The following STAT4 variants were observed in gnomAD, a reference collection of about 807,000 sequenced individuals.
The protein encoded by STAT4 is signal transducer and activator of transcription 4.
STAT4 carries 42 observed loss-of-function variants against 110.5 expected under a neutral mutation model. The observed-to-expected ratio is 0.38, with a 90% CI of 0.30 to 0.49. The LOEUF is 0.49. STAT4 is among the 20% of genes least tolerant of loss of function. The pLI is 0.95. For synonymous variants in STAT4, 284 were observed against 302.2 expected (o/e 0.94, Z 0.63); for missense variants, 632 against 887.9 (o/e 0.71, Z 3.66).
chr2:191,135,660 G>T lies in STAT4; in HGVS notation c.273+10953C>A, dbSNP rs1461517558. ...TTTTTGTATTTTTAGTAGAGACAGG[G>T]TTTCACCATGTTGGCTGCACTGGTC... is the stretch of plus-strand genomic sequence containing the variant. On this transcript the variant is annotated intron_variant, in intron 3 of 23. Coordinates refer to ENST00000392320, the MANE Select transcript of STAT4 (RefSeq NM_003151.4). This position sits in a 1 kb window ranked among gnomAD's most constrained non-coding sequence, Gnocchi z 4.8. Among the ~76,000 whole-genome samples, 2 of 152,050 alleles carry T rather than the reference G, an allele frequency of 1.3e-5. No individual in the cohort carries two copies. The highest frequency in any genetic ancestry group is 2.9e-5 in the Non-Finnish European group (2 of 68,018).
At chr2:191,106,702 A>AAAAT (rs1285255213) in intron 3 of STAT4, among the ~76,000 whole-genome samples, 24 of 100,086 alleles carry the variant, frequency 2.4e-4, no homozygotes, top group African/African-American at 6.9e-4. Context: ...TAAAATAAAA[A>AAAAT]AATGTACTCA....
rs3024865 is a variant in STAT4, at chr2:191,058,817, G to C, written c.1035-48C>G. On this transcript the variant is annotated intron_variant, in intron 10 of 23. Transcript: ENST00000392320. This position sits in a 1 kb window ranked among gnomAD's most constrained non-coding sequence, Gnocchi z 4.3. ...AAAATCAAAGATAAAAATTAAAAGT[G>C]TTTAAAAACCCTTTTTTATATTTAA... 150,449 of 1,151,774 alleles carry C rather than the reference G, an allele frequency of 0.13. 10,841 individuals carry two copies. Among genetic ancestry groups the C allele is most frequent in the Middle Eastern group, 0.21 (1,016 of 4,774 alleles). 71.3% of individuals were successfully genotyped at this position (1,151,774 alleles called of 1,614,324 possible).
chr2:191,059,765 C>A lies in STAT4; in HGVS notation c.1035-996G>T, dbSNP rs1163959410. On this transcript the variant is annotated intron_variant, in intron 10 of 23. Coordinates refer to ENST00000392320, the MANE Select transcript of STAT4 (RefSeq NM_003151.4). The surrounding 1 kb of genome is among the most constrained non-coding windows in gnomAD (Gnocchi z 4.7). Reference sequence around the variant, plus strand: ...GGGTGGGTAGAATGTTGCAAAGGCTCTTTAAAAGTCCTGTACAAGGCACAA... The same window carrying A: ...GGGTGGGTAGAATGTTGCAAAGGCTATTTAAAAGTCCTGTACAAGGCACAA... 2.0e-5 allele frequency among the ~76,000 whole-genome samples: 3 copies of A among 152,176 alleles called. No homozygotes were observed.
In STAT4 at chr2:191,143,582, G is replaced by A. The variant is rs1242309771; in HGVS notation, c.273+3031C>T. Among the ~76,000 whole-genome samples the A allele has an allele frequency of 1.3e-5, 2 of 152,116 alleles. No individual in the cohort carries two copies. Among genetic ancestry groups the A allele is most frequent in the African/African-American group, 2.4e-5 (1 of 41,416 alleles). ...TTCCAAACTGTTATTGGAAGTAGGT[G>A]TAATATAAATAATAAAATACTGAAA... On this transcript the variant is annotated intron_variant, in intron 3 of 23. Coordinates refer to ENST00000392320, the MANE Select transcript of STAT4 (RefSeq NM_003151.4). The surrounding 1 kb of genome is among the most constrained non-coding windows in gnomAD (Gnocchi z 5.6).
intron 8 of STAT4, among the ~76,000 whole-genome samples, chr2:191,063,606 T>A (rs754676766): frequency 2.0e-5 from 3 of 152,182 alleles, no homozygotes; most frequent in African/African-American, 7.2e-5. Context: ...GAACATCTTA[T>A]CAGACTTGGA....
At position 191,064,821 on chromosome 2, in the gene STAT4, G is replaced by T; in HGVS notation, c.768C>A (p.Asp256Glu). 1 of 1,611,946 alleles carries T rather than the reference G, an allele frequency of 6.2e-7. No homozygotes were observed. Among genetic ancestry groups the T allele is most frequent in the Non-Finnish European group, 8.5e-7 (1 of 1,179,206 alleles). Reference protein sequence around the residue: ...CIGGPLHNGLDQLQNCFTLLA... With the variant: ...CIGGPLHNGLEQLQNCFTLLA... ...ATTCGTTTTACCAGTTCTGAAGCTG[G>T]TCGAGCCCATTGTGGAGTGGACCCC... Residue 256 changes from aspartate to glutamate, a missense_variant, in exon 8 of 24, where the codon GAC (aspartate) becomes GAA (glutamate). This residue lies in a region of STAT4 where 488 missense variants were observed against 632.8 expected (regional missense o/e 0.77). Coordinates refer to ENST00000392320, the MANE Select transcript of STAT4 (RefSeq NM_003151.4).
intron 3 of STAT4, among the ~76,000 whole-genome samples, chr2:191,096,026 G>T (rs1342108729): frequency 1.3e-5 from 2 of 152,124 alleles, no homozygotes; most frequent in African/African-American, 4.8e-5. Flanking sequence ...TAGAAGAAAT[G>T]GATAAATTCC....
rs918721445 is a variant in STAT4 at position 191,142,047 on chromosome 2, G to C, written c.273+4566C>G. Among the ~76,000 whole-genome samples the C allele has an allele frequency of 2.0e-5, 3 of 151,940 alleles. No homozygotes were observed. The highest frequency in any genetic ancestry group is 4.4e-5 in the Non-Finnish European group (3 of 67,980). ...AAAAACTAAAAATATAACTACTATAGGCTCCAGCAATCCCACTACTAGGTA... is the reference window on the plus strand; with the variant it reads ...AAAAACTAAAAATATAACTACTATACGCTCCAGCAATCCCACTACTAGGTA... On this transcript the variant is annotated intron_variant, in intron 3 of 23. Transcript: ENST00000392320. This position sits in a 1 kb window ranked among gnomAD's most constrained non-coding sequence, Gnocchi z 4.1.
At position 191,052,068 on chromosome 2, in the gene STAT4, C is replaced by T. The variant is rs151319768; in HGVS notation, c.1251+2422G>A. Among the ~76,000 whole-genome samples the T allele has an allele frequency of 4.5e-3, 679 of 152,250 alleles. 5 individuals are homozygous for T. Among genetic ancestry groups the T allele is most frequent in the African/African-American group, 0.015 (642 of 41,542 alleles). On this transcript the variant is annotated intron_variant, in intron 14 of 23. Coordinates refer to ENST00000392320, the MANE Select transcript of STAT4 (RefSeq NM_003151.4). Reference sequence around the variant, plus strand: ...ATAGCAACTTTTTGAAACTTGAAAACGAGGTTACGATATTCTAGCTTCCTG... The same window carrying T: ...ATAGCAACTTTTTGAAACTTGAAAATGAGGTTACGATATTCTAGCTTCCTG...
intron 3 of STAT4, chr2:191,131,873 G>T (rs763763032): frequency 1.4e-6 from 2 of 1,459,380 alleles, no homozygotes; most frequent in South Asian, 1.4e-5. Flanking sequence ...CGATCCAAGG[G>T]CAGCTGTGCT....
rs867697320 is a variant in STAT4, at chr2:191,057,888, G to A, written c.1206+130C>T. Reference sequence around the variant, plus strand: ...GCTGGGATTACAGACATGAGCCACCGTGCCCGGCCGGTTCCTAATTTCAAA... The same window carrying A: ...GCTGGGATTACAGACATGAGCCACCATGCCCGGCCGGTTCCTAATTTCAAA... On this transcript the variant is annotated intron_variant, in intron 13 of 23. Transcript: ENST00000392320. The A allele has an allele frequency of 3.6e-5, 30 of 830,380 alleles. 2 individuals are homozygous for A. The highest frequency in any genetic ancestry group is 2.8e-4 in the South Asian group (16 of 57,738). 51.4% of individuals were successfully genotyped at this position (830,380 alleles called of 1,614,324 possible). A position where few individuals can be genotyped will look rare whatever the true frequency, so the allele number is the denominator to read the frequency against.
rs3024935 is a variant in STAT4, at chr2:191,031,328, G to T, written c.2111+122C>A. ...CTGAAGGCTAGCCTTATGTATTAAAGGAAATGGGACATTGCACATTACAAT... is the reference window on the plus strand; with the variant it reads ...CTGAAGGCTAGCCTTATGTATTAAATGAAATGGGACATTGCACATTACAAT... On this transcript the variant is annotated intron_variant, in intron 22 of 23. Transcript: ENST00000392320. This position sits in a 1 kb window ranked among gnomAD's most constrained non-coding sequence, Gnocchi z 4.8. 0.058 allele frequency: 61,648 copies of T among 1,069,634 alleles called. 2,113 individuals carry two copies. The highest frequency in any genetic ancestry group is 0.12 in the Middle Eastern group (520 of 4,344). 66.3% of individuals were successfully genotyped at this position (1,069,634 alleles called of 1,614,324 possible).
chr2:191,102,135 A>G (rs1037096377), intron 3 of STAT4, among the ~76,000 whole-genome samples: 1 of 152,168 alleles, frequency 6.6e-6, no homozygotes, highest in South Asian at 2.1e-4. Flanking sequence ...GAATTTTGGC[A>G]ATCAGACATT....
chr2:191,098,679 GCAAA>G (rs747394009), intron 3 of STAT4, among the ~76,000 whole-genome samples: 60 of 152,186 alleles, frequency 3.9e-4, no homozygotes, highest in Non-Finnish European at 7.2e-4. Flanking sequence ...AATGGGTGCA[GCAAA>G]CAAACATGGC....
chr2:191,057,685 G>A (rs764185257), intron 13 of STAT4, among the ~76,000 whole-genome samples: 10 of 146,040 alleles, frequency 6.8e-5, no homozygotes, highest in Non-Finnish European at 1.2e-4. Context: ...TGCAACCTCC[G>A]TCTGCCGGGT....
At position 191,113,667 on chromosome 2, in the gene STAT4, A is replaced by G. The variant is rs2125369557; in HGVS notation, c.273+32946T>C. Among the ~76,000 whole-genome samples, 1 of 152,352 alleles carries G rather than the reference A, an allele frequency of 6.6e-6. No individual in the cohort carries two copies. The highest frequency in any genetic ancestry group is 2.1e-4 in the South Asian group (1 of 4,824). On this transcript the variant is annotated intron_variant, in intron 3 of 23. Transcript: ENST00000392320. This position sits in a 1 kb window ranked among gnomAD's most constrained non-coding sequence, Gnocchi z 4.8. ...AGAAAGATTAAAAAGGTTAAAGATG[A>G]AATTTAGAGAGTGTTCCGAGTTGGA...
chr2:191,100,263 G>A (rs957002904), intron 3 of STAT4, among the ~76,000 whole-genome samples: 6 of 152,074 alleles, frequency 3.9e-5, no homozygotes, highest in South Asian at 2.1e-4. Context: ...ACTATGTGGC[G>A]GAAGTATTAA....
rs563944817 is a variant in STAT4 at position 191,138,511 on chromosome 2, T to C, written c.273+8102A>G. ...CACAAACTAGGAAATCTAGAGGAGA[T>C]AGATAAATTCCTGGAAATATAAAAC... On this transcript the variant is annotated intron_variant, in intron 3 of 23. Transcript: ENST00000392320. This position sits in a 1 kb window ranked among gnomAD's most constrained non-coding sequence, Gnocchi z 4.3. 3.9e-5 allele frequency among the ~76,000 whole-genome samples: 6 copies of C among 152,194 alleles called. No homozygotes were observed. Among genetic ancestry groups the C allele is most frequent in the Admixed American group, 6.5e-5 (1 of 15,290 alleles).
rs182350152 is a variant in STAT4, at chr2:191,046,651, C to T, written c.1252-5503G>A. Among the ~76,000 whole-genome samples, 10 of 152,250 alleles carry T rather than the reference C, an allele frequency of 6.6e-5. No homozygotes were observed. In the East Asian group the frequency reaches 9.6e-4, roughly 15 times the overall value. On this transcript the variant is annotated intron_variant, in intron 14 of 23. Coordinates refer to ENST00000392320, the MANE Select transcript of STAT4 (RefSeq NM_003151.4). The surrounding 1 kb of genome is among the most constrained non-coding windows in gnomAD (Gnocchi z 4.6). Reference sequence around the variant, plus strand: ...TGGAGGATGGTTGAAGGAAAACTTTCGGAGTGAGGTGCTATGATATTGTGA... The same window carrying T: ...TGGAGGATGGTTGAAGGAAAACTTTTGGAGTGAGGTGCTATGATATTGTGA...
Sources: allele counts gnomAD v4.1 joint callset (sites outside exome capture counted in the v4.1 genomes callset), GRCh38; gene constraint gnomAD v4.1.1; regional missense constraint gnomAD v4.1.1; non-coding constraint Gnocchi (gnomAD v3.1); transcripts MANE v1.5; gene names NCBI Gene and HGNC (gene_info 2026-07-23, HGNC 2026-07-21).